Variants in ZFAT observed in about 807,000 individuals in gnomAD.
ZFAT encodes the protein zinc finger protein ZFAT.
Under a neutral mutation model 117.7 loss-of-function variants are expected in ZFAT, and 64 were observed. The ratio of observed to expected loss-of-function variants is 0.54; its 90% CI spans 0.44 to 0.67. The LOEUF is 0.67. Among genes scored for constraint, ZFAT ranks in the 30% least tolerant of loss-of-function variants. The probability of loss-of-function intolerance (pLI) is 0.00; values close to 1 mark genes in which losing one functional copy is unlikely to be tolerated. For synonymous variants in ZFAT, 679 were observed against 615.0 expected, an observed-to-expected ratio of 1.10 and a Z score of -1.54; for missense variants, 1,433 against 1,584.5, an observed-to-expected ratio of 0.90 and a Z score of 1.62.
At chr8:134,624,362 G>A (rs1829349530) in intron 3 of ZFAT, among the ~76,000 whole-genome samples, 1 of 152,060 alleles carries the variant, frequency 6.6e-6, no homozygotes, top group Non-Finnish European at 1.5e-5. Flanking sequence ...GCTTCTTTAG[G>A]AGGGGTCCTG....
rs541878481 is a variant in ZFAT at position 134,685,218 on chromosome 8, G to A, written c.20-27481C>T. 3.9e-5 allele frequency among the ~76,000 whole-genome samples: 6 copies of A among 152,264 alleles called. 1 individual carries two copies. The South Asian group carries it at 1.2e-3, about 32-fold the overall frequency. On this transcript the variant is annotated intron_variant, in intron 1 of 15. Coordinates refer to ENST00000377838, the MANE Select transcript of ZFAT (RefSeq NM_020863.4). ...GAGGAGAAACCTGGGGCTCAGGTTAGTGAGCTGCCAAAGAGCCCCCAGTCA... is the reference window on the plus strand; with the variant it reads ...GAGGAGAAACCTGGGGCTCAGGTTAATGAGCTGCCAAAGAGCCCCCAGTCA...
At chr8:134,501,934 C>T (rs1336035388) in intron 15 of ZFAT, among the ~76,000 whole-genome samples, 1 of 152,210 alleles carries the variant, frequency 6.6e-6, no homozygotes, top group East Asian at 1.9e-4. Context: ...CACTTTAAGA[C>T]AATTCAGATG....
chr8:134,831,557 G>A, the ZFAT span, among the ~76,000 whole-genome samples: 2 of 152,176 alleles, frequency 1.3e-5, no homozygotes, highest in African/African-American at 2.4e-5. Context: ...TGTGAAATCC[G>A]CCACTTTCGC....
intron 3 of ZFAT, among the ~76,000 whole-genome samples, chr8:134,624,906 T>A (rs111812594): frequency 6.6e-6 from 1 of 150,688 alleles, no homozygotes; most frequent in South Asian, 2.1e-4. Flanking sequence ...AAGTACCTAT[T>A]CTAAATTGCC....
At chr8:134,816,267 C>A in the ZFAT span, among the ~76,000 whole-genome samples, 1 of 152,076 alleles carries the variant, frequency 6.6e-6, no homozygotes, top group Admixed American at 6.5e-5. Flanking sequence ...AAAATATGAA[C>A]CTTAACTTCT....
chr8:134,803,264 T>C, the ZFAT span, among the ~76,000 whole-genome samples: 1 of 152,202 alleles, frequency 6.6e-6, no homozygotes, highest in African/African-American at 2.4e-5. Flanking sequence ...TAAAGCAGTA[T>C]ATCAAAATTT....
intron 5 of ZFAT, among the ~76,000 whole-genome samples, chr8:134,608,445 A>C (rs971438014): frequency 6.6e-6 from 1 of 152,194 alleles, no homozygotes; most frequent in Non-Finnish European, 1.5e-5. Context: ...CTTTTTATTA[A>C]GGTAAAAAAT....
intron 3 of ZFAT, among the ~76,000 whole-genome samples, chr8:134,617,789 A>C (rs1409833861): frequency 6.6e-6 from 1 of 152,180 alleles, no homozygotes; most frequent in African/African-American, 2.4e-5. Flanking sequence ...CGTAAACCAC[A>C]GGCTTGATTC....
chr8:134,747,642 T>C, the ZFAT span, among the ~76,000 whole-genome samples: 1 of 152,176 alleles, frequency 6.6e-6, no homozygotes, highest in Non-Finnish European at 1.5e-5. Flanking sequence ...TTTATAGAAC[T>C]TGTAACTGTG....
chr8:134,689,479 A>G (rs967713471), intron 1 of ZFAT, among the ~76,000 whole-genome samples: 15 of 152,252 alleles, frequency 9.9e-5, no homozygotes, highest in African/African-American at 3.4e-4. Context: ...TTCCTGCCAG[A>G]CAAAACCCAA....
chr8:134,740,157 A>ACT, the ZFAT span, among the ~76,000 whole-genome samples: 1 of 150,652 alleles, frequency 6.6e-6, no homozygotes, highest in South Asian at 2.1e-4. Flanking sequence ...AACTCCTAAC[A>ACT]CTCAAACCCT....
At chr8:134,623,052 T>TCC (rs1829242594) in intron 3 of ZFAT, among the ~76,000 whole-genome samples, 1 of 151,998 alleles carries the variant, frequency 6.6e-6, no homozygotes. Flanking sequence ...CCCTGATGGC[T>TCC]CCCCCAGGCC....
the ZFAT span, among the ~76,000 whole-genome samples, chr8:134,718,284 G>A: frequency 1.3e-5 from 2 of 152,090 alleles, no homozygotes; most frequent in South Asian, 2.1e-4. Context: ...GGATCACAAG[G>A]TCAGGAGTTC....
intron 1 of ZFAT, among the ~76,000 whole-genome samples, chr8:134,686,025 C>T (rs1008861630): frequency 7.2e-5 from 11 of 152,176 alleles, no homozygotes; most frequent in African/African-American, 2.4e-4. Flanking sequence ...CAGGACCAGA[C>T]CCCGCTGCCC....
chr8:134,658,127 G>T (rs1831724508), intron 1 of ZFAT, among the ~76,000 whole-genome samples: 1 of 152,164 alleles, frequency 6.6e-6, no homozygotes, highest in East Asian at 1.9e-4. Context: ...CACAAGGTCA[G>T]GAGATCGAGA....
At chr8:134,498,211 G>A (rs372555511) in intron 15 of ZFAT, among the ~76,000 whole-genome samples, 3 of 86,698 alleles carry the variant, frequency 3.5e-5, no homozygotes, top group African/African-American at 4.4e-5. Context: ...TTGGGGTGGA[G>A]CTGGGATGCC....
the ZFAT span, among the ~76,000 whole-genome samples, chr8:134,761,784 T>A: frequency 2.5e-3 from 384 of 152,306 alleles, no homozygotes; most frequent in African/African-American, 8.7e-3. Flanking sequence ...AATAACCACT[T>A]ATTTTTCAAC....
chr8:134,603,728 C>T (rs528610324), intron 5 of ZFAT, among the ~76,000 whole-genome samples: 15 of 152,286 alleles, frequency 9.8e-5, no homozygotes, highest in East Asian at 3.9e-4. Context: ...TGGGATACAG[C>T]GGGCACTTAG....
the ZFAT span, among the ~76,000 whole-genome samples, chr8:134,774,149 C>A: frequency 6.6e-6 from 1 of 151,918 alleles, no homozygotes; most frequent in South Asian, 2.1e-4. Flanking sequence ...GCACACACCA[C>A]CACGCTCGGC....
Sources: allele counts gnomAD v4.1 joint callset (sites outside exome capture counted in the v4.1 genomes callset), GRCh38; gene constraint gnomAD v4.1.1; transcripts MANE v1.5; gene names NCBI Gene and HGNC (gene_info 2026-07-23, HGNC 2026-07-21).